Variants in ADAM10 observed in about 807,000 individuals in gnomAD.
ADAM10 encodes the protein ADAM metallopeptidase domain 10, also known as disintegrin and metalloproteinase domain-containing protein 10.
In ADAM10, 17 loss-of-function variants were observed where a neutral mutation model predicts 90.1. That is an observed-to-expected ratio of 0.19 (90% CI 0.13 to 0.28). The LOEUF (loss-of-function observed/expected upper bound fraction) is 0.28. Among genes scored for constraint, ADAM10 ranks in the 10% least tolerant of loss-of-function variants. The pLI is 1.00. For missense variants in ADAM10, 610 were observed against 914.3 expected (o/e 0.67, Z 4.29); for synonymous variants, 310 against 298.6 (o/e 1.04, Z -0.40).
In ADAM10 at chr15:58,627,537, A is replaced by G. The variant is rs187028405; in HGVS notation, c.1360+163T>C. On this transcript the variant is annotated intron_variant, in intron 10 of 15. Coordinates refer to ENST00000260408, the MANE Select transcript of ADAM10 (RefSeq NM_001110.4). ...TTAAATTGCAATAAAACATGAATTG[A>G]GAGATGGCAAGATTAAGAAATAACG... 1.5e-3 allele frequency among the ~76,000 whole-genome samples: 223 copies of G among 152,324 alleles called. 1 individual carries two copies. Among genetic ancestry groups the G allele is most frequent in the African/African-American group, 5.0e-3 (206 of 41,582 alleles).
intron 9 of ADAM10, among the ~76,000 whole-genome samples, chr15:58,631,272 C>T (rs1048032248): frequency 3.3e-5 from 5 of 152,164 alleles, no homozygotes; most frequent in African/African-American, 1.2e-4. Context: ...CAACACAAAA[C>T]AGATGAAGAC....
At chr15:58,669,073 A>G (rs184442724) in intron 4 of ADAM10, among the ~76,000 whole-genome samples, 43 of 152,318 alleles carry the variant, frequency 2.8e-4, no homozygotes, top group Admixed American at 2.7e-3. Context: ...GTTATTTTTA[A>G]CTGCATTAAT....
intron 7 of ADAM10, among the ~76,000 whole-genome samples, chr15:58,642,337 C>T (rs527435964): frequency 5.9e-5 from 9 of 151,830 alleles, no homozygotes; most frequent in Non-Finnish European, 1.2e-4. Context: ...TGACAGTGGA[C>T]GCCTGTAATC....
At chr15:58,634,330 C>T (rs1321058037) in intron 8 of ADAM10, among the ~76,000 whole-genome samples, 1 of 151,458 alleles carries the variant, frequency 6.6e-6, no homozygotes, top group Non-Finnish European at 1.5e-5. Flanking sequence ...AGAATTTCAC[C>T]ATACTATTCT....
chr15:58,596,365 C>T lies in ADAM10; in HGVS notation c.*1182G>A, dbSNP rs199842028. 2 of 152,536 alleles carry T rather than the reference C, an allele frequency of 1.3e-5. No homozygotes were observed. Among genetic ancestry groups the T allele is most frequent in the Non-Finnish European group, 2.9e-5 (2 of 67,992 alleles). 9.4% of individuals were successfully genotyped at this position (152,536 alleles called of 1,614,324 possible). The stretch of plus-strand genomic sequence containing the variant: ...TTTCAAAAATAAATTTGGAATGGGA[C>T]ATTGTGCTGTTTCACCTTCAATGCT... On this transcript the variant is annotated 3_prime_UTR_variant, in exon 16 of 16. Transcript: ENST00000260408.
At chr15:58,707,562 T>C (rs550611230) in intron 2 of ADAM10, among the ~76,000 whole-genome samples, 2 of 152,194 alleles carry the variant, frequency 1.3e-5, no homozygotes, top group Non-Finnish European at 2.9e-5. Flanking sequence ...CTTCATCCTA[T>C]GTAAGAAGAC....
intron 2 of ADAM10, among the ~76,000 whole-genome samples, chr15:58,693,276 C>A (rs1395997303): frequency 6.6e-6 from 1 of 152,196 alleles, no homozygotes; most frequent in Non-Finnish European, 1.5e-5. Context: ...CAAGGCTGCA[C>A]AGGGGTGACT....
chr15:58,679,182 T>G lies in ADAM10; in HGVS notation c.426A>C (p.Arg142Ser). 2 of 1,613,988 alleles carry G rather than the reference T, an allele frequency of 1.2e-6. No homozygotes were observed. The highest frequency in any genetic ancestry group is 1.7e-6 in the Non-Finnish European group (2 of 1,179,936). The change falls in exon 4 of 16, where the codon AGA becomes AGC. Residue 142 changes from arginine to serine, a missense_variant. Physicochemically the swap from Arg to Ser is moderately radical, Grantham distance 110. Transcript: ENST00000260408. ...ATGGCAGAGTTCGGTCTTTAATATA[T>G]CTCTCTGCTGGCTCAACATAAAATG... ...GGTFYVEPAE[R>S]YIKDRTLPFH...
chr15:58,685,419 C>T (rs993319973), intron 2 of ADAM10, among the ~76,000 whole-genome samples: 5 of 150,894 alleles, frequency 3.3e-5, no homozygotes, highest in African/African-American at 1.2e-4. Context: ...GCCGAGATCA[C>T]GCCACTGCAC....
At chr15:58,678,838 T>C (rs1477262893) in intron 4 of ADAM10, among the ~76,000 whole-genome samples, 17 of 152,348 alleles carry the variant, frequency 1.1e-4, no homozygotes, top group African/African-American at 4.1e-4. Context: ...GACTGGCTGA[T>C]GTCAAAATAT....
At chr15:58,622,158 A>C (rs1323445200) in intron 10 of ADAM10, among the ~76,000 whole-genome samples, 1 of 152,146 alleles carries the variant, frequency 6.6e-6, no homozygotes, top group East Asian at 1.9e-4. Context: ...AAACAACCCC[A>C]CCTAACATAT....
intron 8 of ADAM10, among the ~76,000 whole-genome samples, chr15:58,637,256 T>C (rs16940638): frequency 0.059 from 9,024 of 152,168 alleles, 909 homozygotes; most frequent in African/African-American, 0.2. Flanking sequence ...TCTTCACAAA[T>C]AGAGGAGTAC....
In ADAM10 at chr15:58,594,146, T is replaced by G. The variant is rs1894891939; in HGVS notation, c.*3401A>C. On this transcript the variant is annotated 3_prime_UTR_variant, in exon 16 of 16. Transcript: ENST00000260408. ...CTAAAGATGAACTGTCCCTGGCAGCTGCTTTAAAACTACATCTGGCTTGCA... is the reference window on the plus strand; with the variant it reads ...CTAAAGATGAACTGTCCCTGGCAGCGGCTTTAAAACTACATCTGGCTTGCA... The G allele has an allele frequency of 6.6e-6, 1 of 152,236 alleles. No individual in the cohort carries two copies. Among genetic ancestry groups the G allele is most frequent in the Admixed American group, 6.5e-5 (1 of 15,288 alleles). 9.4% of individuals were successfully genotyped at this position (152,236 alleles called of 1,614,324 possible). A position where few individuals can be genotyped will look rare whatever the true frequency, so the allele number is the denominator to read the frequency against.
intron 1 of ADAM10, among the ~76,000 whole-genome samples, chr15:58,734,775 T>C (rs2140841742): frequency 6.7e-6 from 1 of 150,340 alleles, no homozygotes; most frequent in East Asian, 1.9e-4. Context: ...TTTCAAAAAC[T>C]AAACTGACGT....
chr15:58,746,545 A>C (rs2140856198), intron 1 of ADAM10, among the ~76,000 whole-genome samples: 1 of 152,296 alleles, frequency 6.6e-6, no homozygotes, highest in South Asian at 2.1e-4. Flanking sequence ...TAAACACTTT[A>C]ATTCTTCCTT....
Position 58,660,690 on chromosome 15 carries a change from T to C in ADAM10, c.585+4407A>G, listed in dbSNP as rs149743511. Among the ~76,000 whole-genome samples, 5 of 152,342 alleles carry C rather than the reference T, an allele frequency of 3.3e-5. No individual in the cohort carries two copies. The East Asian group carries it at 7.7e-4, about 24-fold the overall frequency. Reference sequence around the variant, plus strand: ...TCCTTTTTCTCTTCTTCCTAACTTCTCTTAACTGTTTTTAAATACATTTGA... The same window carrying C: ...TCCTTTTTCTCTTCTTCCTAACTTCCCTTAACTGTTTTTAAATACATTTGA... On this transcript the variant is annotated intron_variant, in intron 5 of 15. Coordinates refer to ENST00000260408, the MANE Select transcript of ADAM10 (RefSeq NM_001110.4).
At chr15:58,748,870 T>TG (rs1899879744) in intron 1 of ADAM10, 1 of 398,996 alleles carries the variant, frequency 2.5e-6, no homozygotes, top group South Asian at 1.3e-4. Context: ...GGGTGATGAC[T>TG]GCTGCCACTC....
At chr15:58,655,717 A>AC (rs1316558058) in intron 5 of ADAM10, among the ~76,000 whole-genome samples, 1 of 55,458 alleles carries the variant, frequency 1.8e-5, no homozygotes. Flanking sequence ...TATAGTATAT[A>AC]TATATATATA....
In ADAM10 at chr15:58,739,883, T is replaced by C. The variant is rs578019800; in HGVS notation, c.55+9597A>G. 2.6e-5 allele frequency among the ~76,000 whole-genome samples: 4 copies of C among 152,344 alleles called. No homozygotes were observed. The South Asian group carries it at 6.2e-4, about 24-fold the overall frequency. On this transcript the variant is annotated intron_variant, in intron 1 of 15. Transcript: ENST00000260408. ...GAAGGCTGCTTCACTAATGCCAATA[T>C]CTGCTGAATGAAAACGGGTGCATAA...
Sources: gnomAD v4.1 joint callset for allele counts (sites outside exome capture counted in the v4.1 genomes callset) on GRCh38, gnomAD v4.1.1 for gene constraint, MANE v1.5 for transcripts, NCBI Gene and HGNC (gene_info 2026-07-23, HGNC 2026-07-21) for gene names.